PPFIBP1: variants seen among roughly 807,000 people sequenced by gnomAD.
PPFIBP1 encodes PPFIB scaffold protein 1.
A neutral mutation model predicts 137.8 loss-of-function variants in PPFIBP1; 112 were observed. The ratio of observed to expected loss-of-function variants is 0.81; its 90% confidence interval spans 0.70 to 0.95. The LOEUF (loss-of-function observed/expected upper bound fraction) is 0.95, where lower values mean the gene tolerates loss of function less well. Among genes scored for constraint, PPFIBP1 ranks in the 40% least tolerant of loss-of-function variants. The probability of loss-of-function intolerance (pLI) is 0.00; values close to 1 mark genes in which losing one functional copy is unlikely to be tolerated. For synonymous variants in PPFIBP1, 378 were observed against 417.3 expected, an observed-to-expected ratio of 0.91 and a Z score of 1.15; for missense variants, 1,083 against 1,196.6, an observed-to-expected ratio of 0.91 and a Z score of 1.40.
intron 13 of PPFIBP1, among the ~76,000 whole-genome samples, chr12:27,670,582 C>T (rs2060117123): frequency 6.6e-6 from 1 of 151,966 alleles, no homozygotes; most frequent in South Asian, 2.1e-4. Flanking sequence ...TCCAGATTAG[C>T]CTGGGCAACA....
At chr12:27,658,711 T>C (rs866694700) in intron 9 of PPFIBP1, 105 bp from the exon 10 acceptor site, 2 of 1,265,010 alleles carry the variant, frequency 1.6e-6, no homozygotes, top group African/African-American at 1.5e-5. Context: ...TGAGGTTAGA[T>C]TTCCGTTATT....
intron 5 of PPFIBP1, 67 bp downstream of exon 5, chr12:27,646,215 C>G: frequency 7.9e-7 from 1 of 1,272,694 alleles, no homozygotes; most frequent in South Asian, 1.3e-5. Context: ...ATTGGGGTGG[C>G]AAATTCAGAT....
At chr12:27,557,425 T>A (rs2048789523) in intron 1 of PPFIBP1, among the ~76,000 whole-genome samples, 1 of 151,978 alleles carries the variant, frequency 6.6e-6, no homozygotes, top group Admixed American at 6.6e-5. Context: ...TTAGTAGAGA[T>A]GGGGTTTCAC....
chr12:27,556,700 C>T (rs1268276693), intron 1 of PPFIBP1, among the ~76,000 whole-genome samples: 1 of 152,158 alleles, frequency 6.6e-6, no homozygotes, highest in Non-Finnish European at 1.5e-5. Context: ...CAACACACCC[C>T]TAATATTCAA....
intron 21 of PPFIBP1, among the ~76,000 whole-genome samples, chr12:27,680,986 A>G (rs1000549917): frequency 1.3e-5 from 2 of 151,424 alleles, no homozygotes; most frequent in African/African-American, 4.8e-5. Context: ...AGCTCCTTGT[A>G]CTATTTAAAA....
intron 1 of PPFIBP1, among the ~76,000 whole-genome samples, chr12:27,540,064 A>ATT (rs147575484): frequency 0.012 from 1,788 of 144,538 alleles, 37 homozygotes; most frequent in African/African-American, 0.041. Flanking sequence ...CCTATTTTCA[A>ATT]TTTTTTTTTT....
chr12:27,635,724 AAT>A (rs1555223149), intron 4 of PPFIBP1: 1 of 153,226 alleles, frequency 6.5e-6, no homozygotes, highest in Non-Finnish European at 1.5e-5. Flanking sequence ...AAAAAAAAAA[AAT>A]CACAACCTCC....
chr12:27,577,290 G>T (rs566190677), intron 1 of PPFIBP1, among the ~76,000 whole-genome samples: 6 of 151,324 alleles, frequency 4.0e-5, no homozygotes, highest in Non-Finnish European at 4.4e-5. Flanking sequence ...TGATCCTTTT[G>T]CTTCCCTACT....
intron 22 of PPFIBP1, 32 bp from the exon 23 acceptor site, chr12:27,682,355 T>A: frequency 6.7e-7 from 1 of 1,496,174 alleles, no homozygotes; most frequent in Non-Finnish European, 9.3e-7. Context: ...CCTATACAGA[T>A]AGAATTATAA....
chr12:27,624,218 C>T (rs1349158465), intron 2 of PPFIBP1, among the ~76,000 whole-genome samples: 3 of 152,166 alleles, frequency 2.0e-5, no homozygotes, highest in Non-Finnish European at 4.4e-5. Context: ...GGATTAGAAA[C>T]TACCAAATGA....
intron 1 of PPFIBP1, among the ~76,000 whole-genome samples, chr12:27,564,726 A>AT (rs1377946891): frequency 6.6e-6 from 1 of 152,010 alleles, no homozygotes; most frequent in African/African-American, 2.4e-5. Flanking sequence ...AAACTTTCTC[A>AT]TCTTGCTTTC....
At chr12:27,570,016 C>T (rs995431029) in intron 1 of PPFIBP1, among the ~76,000 whole-genome samples, 1 of 151,986 alleles carries the variant, frequency 6.6e-6, no homozygotes. Context: ...CAGATATTTC[C>T]AATTAGTTAT....
intron 16 of PPFIBP1, 145 bp downstream of exon 16, chr12:27,673,972 C>A: frequency 2.4e-6 from 2 of 817,628 alleles, no homozygotes; most frequent in South Asian, 1.8e-5. Context: ...TTAGGTTTAA[C>A]AGTAAATATT....
chr12:27,609,850 G>A (rs1161780854), intron 2 of PPFIBP1, among the ~76,000 whole-genome samples: 2 of 152,196 alleles, frequency 1.3e-5, no homozygotes, highest in Admixed American at 6.5e-5. Context: ...GAATATCCCA[G>A]GGGTATCCAT....
intron 2 of PPFIBP1, among the ~76,000 whole-genome samples, chr12:27,630,189 C>T (rs1023271820): frequency 1.3e-5 from 2 of 151,202 alleles, no homozygotes; most frequent in Non-Finnish European, 3.0e-5. Flanking sequence ...AGACTTAAAT[C>T]CAACCTTATC....
At chr12:27,593,729 T>A in intron 2 of PPFIBP1, 1 of 638,694 alleles carries the variant, frequency 1.6e-6, no homozygotes, top group Non-Finnish European at 2.7e-6. Context: ...GCCTATTAGC[T>A]ATTGAGTCTG....
chr12:27,676,383 A>G, intron 17 of PPFIBP1, 45 bp from the exon 18 acceptor site: 2 of 1,397,660 alleles, frequency 1.4e-6, no homozygotes, highest in Non-Finnish European at 1.9e-6. Flanking sequence ...TGTGCTGAGG[A>G]TGCTGCACCT....
intron 24 of PPFIBP1, among the ~76,000 whole-genome samples, chr12:27,685,103 C>T (rs565399530): frequency 2.0e-4 from 30 of 151,786 alleles, no homozygotes; most frequent in South Asian, 6.2e-4. Flanking sequence ...ATTTCACATA[C>T]GCTGCTTGTG....
intron 18 of PPFIBP1, 53 bp downstream of exon 18, chr12:27,676,652 G>A: frequency 7.2e-7 from 1 of 1,383,054 alleles, no homozygotes; most frequent in Non-Finnish European, 9.9e-7. Context: ...GAGGAAAAGA[G>A]CAGTGTCTTC....
Sources: gnomAD v4.1 joint callset for allele counts (sites outside exome capture counted in the v4.1 genomes callset) on GRCh38, gnomAD v4.1.1 for gene constraint, MANE v1.5 for transcripts, NCBI Gene and HGNC (gene_info 2026-07-23, HGNC 2026-07-21) for gene names.